Variants in MDGA2 observed in about 807,000 individuals in gnomAD.
The protein encoded by MDGA2 is MAM domain containing glycosylphosphatidylinositol anchor 2.
In MDGA2, 40 loss-of-function variants were observed where a neutral mutation model predicts 117.8. The observed-to-expected ratio is 0.34, with a 90% CI of 0.26 to 0.44. The LOEUF (loss-of-function observed/expected upper bound fraction) is 0.44, where lower values mean the gene tolerates loss of function less well. MDGA2 is among the 20% of genes least tolerant of loss of function. The probability of loss-of-function intolerance (pLI) is 1.00; values close to 1 mark genes in which losing one functional copy is unlikely to be tolerated. For missense variants in MDGA2, 1,123 were observed against 1,250.6 expected (o/e 0.90, Z 1.54); for synonymous variants, 452 against 439.0 (o/e 1.03, Z -0.37).
chr14:47,497,269 T>C (rs751011173), intron 1 of MDGA2, among the ~76,000 whole-genome samples: 27 of 152,214 alleles, frequency 1.8e-4, no homozygotes, highest in Non-Finnish European at 3.4e-4. Context: ...TGAGTCTTTT[T>C]CATTTTTGAG....
At chr14:47,546,344 G>T (rs1895462854) in intron 1 of MDGA2, among the ~76,000 whole-genome samples, 1 of 152,030 alleles carries the variant, frequency 6.6e-6, no homozygotes, top group Non-Finnish European at 1.5e-5. Flanking sequence ...ACACTCAAGG[G>T]GGTCAGGTGG....
At chr14:47,032,743 T>G (rs866771186) in intron 8 of MDGA2, among the ~76,000 whole-genome samples, 36 of 152,206 alleles carry the variant, frequency 2.4e-4, no homozygotes, top group African/African-American at 7.5e-4. Flanking sequence ...GAACCTTTGA[T>G]GTACTCAGGA....
chr14:47,365,619 C>A (rs1163691139), intron 1 of MDGA2, among the ~76,000 whole-genome samples: 2 of 152,136 alleles, frequency 1.3e-5, no homozygotes, highest in Admixed American at 6.5e-5. Flanking sequence ...TTTTTCCCCA[C>A]ATTAAGCAGT....
intron 2 of MDGA2, among the ~76,000 whole-genome samples, chr14:47,246,106 C>T (rs1485164033): frequency 4.0e-5 from 6 of 151,832 alleles, no homozygotes; most frequent in South Asian, 4.2e-4. Flanking sequence ...GCTCTTCCCT[C>T]GGCAGCCCAC....
intron 3 of MDGA2, among the ~76,000 whole-genome samples, chr14:47,176,077 G>A (rs1278810117): frequency 6.6e-6 from 1 of 152,014 alleles, no homozygotes; most frequent in East Asian, 1.9e-4. Flanking sequence ...AAAATACCCA[G>A]GAATCCAACT....
At chr14:47,108,281 T>G (rs2139042142) in intron 5 of MDGA2, among the ~76,000 whole-genome samples, 1 of 152,254 alleles carries the variant, frequency 6.6e-6, no homozygotes, top group African/African-American at 2.4e-5. Context: ...CACTATTTTG[T>G]TTTATTTTTC....
intron 9 of MDGA2, among the ~76,000 whole-genome samples, chr14:46,953,723 A>T (rs1885453937): frequency 6.6e-6 from 1 of 152,114 alleles, no homozygotes; most frequent in Non-Finnish European, 1.5e-5. Flanking sequence ...AAGTAAAGAA[A>T]TATGAAGAAA....
chr14:47,255,986 T>A (rs1887604479), intron 2 of MDGA2, among the ~76,000 whole-genome samples: 1 of 152,010 alleles, frequency 6.6e-6, no homozygotes, highest in Admixed American at 6.6e-5. Flanking sequence ...TCCCTTCCCC[T>A]ACCCCACTCT....
chr14:47,511,124 T>C (rs1443082706), intron 1 of MDGA2, among the ~76,000 whole-genome samples: 1 of 152,212 alleles, frequency 6.6e-6, no homozygotes, highest in East Asian at 1.9e-4. Flanking sequence ...ATTTCATTCA[T>C]TAGTGTTCCT....
intron 1 of MDGA2, among the ~76,000 whole-genome samples, chr14:47,400,425 T>G (rs1236376459): frequency 1.3e-5 from 2 of 152,278 alleles, no homozygotes; most frequent in East Asian, 3.9e-4. Flanking sequence ...CCCCTTATAC[T>G]TAGGCATTTA....
rs570051529 is a variant in MDGA2, at chr14:47,410,039, A to C, written c.281-108489T>G. On this transcript the variant is annotated intron_variant, in intron 1 of 16. Coordinates refer to ENST00000399232, the MANE Select transcript of MDGA2 (RefSeq NM_001113498.3). ...TATGAGATTCATTTTTGTTTTAAAA[A>C]CTTTTTCTAATTGGTCCACATACTA... 5.3e-5 allele frequency among the ~76,000 whole-genome samples: 8 copies of C among 152,218 alleles called. No homozygotes were observed. In the South Asian group the frequency reaches 1.5e-3, roughly 28 times the overall value.
At chr14:47,242,675 TC>T (rs1887091051) in intron 2 of MDGA2, among the ~76,000 whole-genome samples, 1 of 151,710 alleles carries the variant, frequency 6.6e-6, no homozygotes, top group South Asian at 2.1e-4. Context: ...TTGGCTGCCT[TC>T]CCGCAGGGCA....
intron 1 of MDGA2, among the ~76,000 whole-genome samples, chr14:47,515,343 C>T (rs1894728780): frequency 6.6e-6 from 1 of 152,122 alleles, no homozygotes; most frequent in Non-Finnish European, 1.5e-5. Flanking sequence ...TGTGAATAAC[C>T]TGTGAATACC....
intron 8 of MDGA2, among the ~76,000 whole-genome samples, chr14:46,993,275 G>A (rs890627830): frequency 3.7e-4 from 56 of 152,030 alleles, no homozygotes; most frequent in African/African-American, 1.4e-3. Flanking sequence ...GAAGCAATTT[G>A]CCTTCTCTAT....
chr14:47,360,900 T>C (rs975282163), intron 1 of MDGA2, among the ~76,000 whole-genome samples: 3 of 151,914 alleles, frequency 2.0e-5, no homozygotes, highest in African/African-American at 7.3e-5. Context: ...GTTGAATGCA[T>C]AAAAACAGAG....
At chr14:47,477,043 TC>T (rs1285792356) in intron 1 of MDGA2, among the ~76,000 whole-genome samples, 3 of 152,142 alleles carry the variant, frequency 2.0e-5, no homozygotes, top group Non-Finnish European at 4.4e-5. Context: ...ACGCCTGTAA[TC>T]CCAGCTACTG....
chr14:46,866,191 G>C lies in MDGA2; in HGVS notation c.2752+7242C>G, dbSNP rs1019521409. On this transcript the variant is annotated intron_variant, in intron 14 of 16. Coordinates refer to ENST00000399232, the MANE Select transcript of MDGA2 (RefSeq NM_001113498.3). ...ACAGCATGGTACTGGTACCAAAACA[G>C]AGATATAGATCAATGGAACAGAACA... Among the ~76,000 whole-genome samples the C allele has an allele frequency of 4.4e-3, 670 of 152,154 alleles. 3 individuals carry two copies. The highest frequency in any genetic ancestry group is 6.6e-3 in the Non-Finnish European group (452 of 67,990).
chr14:47,213,188 G>GA (rs1182936985), intron 3 of MDGA2, among the ~76,000 whole-genome samples: 1 of 151,970 alleles, frequency 6.6e-6, no homozygotes, highest in Admixed American at 6.6e-5. Context: ...TTTGATATTT[G>GA]AAAAAATAGC....
chr14:46,921,130 C>G (rs909474669), intron 9 of MDGA2, among the ~76,000 whole-genome samples: 9 of 152,030 alleles, frequency 5.9e-5, no homozygotes, highest in African/African-American at 2.2e-4. Context: ...AGAACCTATT[C>G]AATGCAAAAT....
Sources: gnomAD v4.1 joint callset for allele counts (sites outside exome capture counted in the v4.1 genomes callset) on GRCh38, gnomAD v4.1.1 for gene constraint, MANE v1.5 for transcripts, NCBI Gene and HGNC (gene_info 2026-07-23, HGNC 2026-07-21) for gene names.